SOX6: variants seen among roughly 807,000 people sequenced by gnomAD.
SOX6 encodes the protein SRY-box transcription factor 6.
A neutral mutation model predicts 97.8 loss-of-function variants in SOX6; 11 were observed. The ratio of observed to expected loss-of-function variants is 0.11; its 90% CI spans 0.07 to 0.19. The LOEUF is 0.19. Ranked by LOEUF, SOX6 falls within the 10% of genes least tolerant of loss-of-function variation. The pLI is 1.00. For synonymous variants in SOX6, 360 were observed against 371.4 expected, an observed-to-expected ratio of 0.97 and a Z score of 0.35; for missense variants, 810 against 1,039.5, an observed-to-expected ratio of 0.78 and a Z score of 3.04.
At chr11:16,410,664 T>C (rs568088610) in intron 1 of SOX6, among the ~76,000 whole-genome samples, 2 of 150,490 alleles carry the variant, frequency 1.3e-5, no homozygotes, top group Admixed American at 6.7e-5. Flanking sequence ...GGAGCTGAGA[T>C]TGGAGAATCA....
chr11:16,449,568 A>T (rs1293409638), intron 1 of SOX6, among the ~76,000 whole-genome samples: 1 of 152,110 alleles, frequency 6.6e-6, no homozygotes, highest in Non-Finnish European at 1.5e-5. Context: ...TTGGGATTAC[A>T]GGCGTGAGCC....
intron 2 of SOX6, among the ~76,000 whole-genome samples, chr11:16,321,258 T>C (rs1413515103): frequency 3.6e-5 from 5 of 137,312 alleles, no homozygotes; most frequent in South Asian, 2.2e-4. Flanking sequence ...TGTCACATTA[T>C]GGCCAAAAAA....
At chr11:16,427,550 A>G (rs1272888071) in intron 1 of SOX6, among the ~76,000 whole-genome samples, 8 of 151,554 alleles carry the variant, frequency 5.3e-5, no homozygotes, top group Admixed American at 4.6e-4. Context: ...TCATTGTTCA[A>G]TTCCCACCTA....
At chr11:16,345,309 G>T (rs957635494) in intron 1 of SOX6, among the ~76,000 whole-genome samples, 2 of 151,896 alleles carry the variant, frequency 1.3e-5, no homozygotes, top group East Asian at 3.9e-4. Flanking sequence ...AACCTTCAAA[G>T]AGAATTATAT....
At chr11:16,029,429 A>G (rs1295380974) in intron 12 of SOX6, among the ~76,000 whole-genome samples, 1 of 151,792 alleles carries the variant, frequency 6.6e-6, no homozygotes, top group Non-Finnish European at 1.5e-5. Context: ...CAAGGTCAGG[A>G]GTTCAAGACC....
chr11:16,674,319 T>C (rs1045905868), intron 3 of SOX6, among the ~76,000 whole-genome samples: 1 of 151,906 alleles, frequency 6.6e-6, no homozygotes, highest in Non-Finnish European at 1.5e-5. Flanking sequence ...TTTCAAGTAA[T>C]GCCGAAAAAG....
At chr11:16,030,749 A>G (rs1181298397) in intron 12 of SOX6, among the ~76,000 whole-genome samples, 1 of 152,144 alleles carries the variant, frequency 6.6e-6, no homozygotes, top group African/African-American at 2.4e-5. Flanking sequence ...ATTTGCTTGA[A>G]ATAGACTTCA....
At chr11:16,315,923 G>C (rs1855747470) in intron 3 of SOX6, 1 of 152,074 alleles carries the variant, frequency 6.6e-6, no homozygotes, top group Non-Finnish European at 1.5e-5. Context: ...TTAAAGTGTG[G>C]TAATTCTGAA....
At chr11:16,257,750 G>A (rs1853735704) in intron 3 of SOX6, among the ~76,000 whole-genome samples, 1 of 151,774 alleles carries the variant, frequency 6.6e-6, no homozygotes, top group African/African-American at 2.4e-5. Context: ...GAAAGACACT[G>A]TTAAGATAAT....
chr11:16,179,457 A>G (rs747904586), intron 6 of SOX6, among the ~76,000 whole-genome samples: 3 of 151,916 alleles, frequency 2.0e-5, no homozygotes, highest in Non-Finnish European at 1.5e-5. Context: ...AGTAATGAAC[A>G]CTGGTTTGGG....
At chr11:16,252,480 G>A (rs192208144) in intron 3 of SOX6, 3 of 152,234 alleles carry the variant, frequency 2.0e-5, no homozygotes, top group Admixed American at 2.0e-4. Flanking sequence ...AACTCTCAGA[G>A]TTAAGAACTC....
intron 3 of SOX6, chr11:16,313,082 G>C (rs985899166): frequency 6.6e-6 from 1 of 152,076 alleles, no homozygotes; most frequent in Non-Finnish European, 1.5e-5. Flanking sequence ...TTTCAGAGGG[G>C]GCACTTCAGA....
At chr11:16,380,507 C>A (rs1368607803) in intron 1 of SOX6, among the ~76,000 whole-genome samples, 3 of 151,970 alleles carry the variant, frequency 2.0e-5, no homozygotes, top group South Asian at 4.2e-4. Flanking sequence ...TTATCTAAAT[C>A]CATTCTACCA....
In SOX6 at chr11:16,594,984, G is replaced by A. The variant is rs148874399; in HGVS notation, n.609+17097C>T. 5.1e-3 allele frequency among the ~76,000 whole-genome samples: 780 copies of A among 152,170 alleles called. 6 individuals carry two copies. The highest frequency in any genetic ancestry group is 0.018 in the African/African-American group (739 of 41,524). On this transcript the variant is annotated intron_variant and non_coding_transcript_variant, in intron 4 of 5. Transcript: ENST00000524520. ...TGGGATTACAGGCGTGAGCCACCGC[G>A]CCCGGCCTGGTTTTGGCTTCTTATT...
chr11:16,498,116 C>T (rs954729445), intron 4 of SOX6, among the ~76,000 whole-genome samples: 3 of 152,224 alleles, frequency 2.0e-5, no homozygotes, highest in Non-Finnish European at 4.4e-5. Flanking sequence ...AACAGCTGAT[C>T]TCTTGGCAGA....
At chr11:16,544,639 C>T (rs983639252) in intron 4 of SOX6, among the ~76,000 whole-genome samples, 1 of 151,990 alleles carries the variant, frequency 6.6e-6, no homozygotes, top group Non-Finnish European at 1.5e-5. Flanking sequence ...TATAAATATA[C>T]CAAATATCAC....
At chr11:16,360,225 A>G (rs747070332), upstream of SOX6, among the ~76,000 whole-genome samples, 61 of 152,128 alleles carry the variant, frequency 4.0e-4, no homozygotes, top group Non-Finnish European at 6.0e-4. Context: ...AAGAGGCATC[A>G]CCAGAGTTTG....
intron 3 of SOX6, 180 bp downstream of exon 3, chr11:16,318,266 G>T: frequency 1.5e-6 from 1 of 655,536 alleles, no homozygotes; most frequent in Non-Finnish European, 2.7e-6. Flanking sequence ...GGAGCTATCT[G>T]TTTAACACTC....
chr11:16,210,999 T>A (rs1046649120), intron 4 of SOX6, among the ~76,000 whole-genome samples: 2 of 152,060 alleles, frequency 1.3e-5, no homozygotes, highest in Non-Finnish European at 2.9e-5. Flanking sequence ...TAAAACATGA[T>A]CCGTGGGAAT....
Sources: gnomAD v4.1 joint callset for allele counts (sites outside exome capture counted in the v4.1 genomes callset) on GRCh38, gnomAD v4.1.1 for gene constraint, MANE v1.5 for transcripts, NCBI Gene and HGNC (gene_info 2026-07-23, HGNC 2026-07-21) for gene names.